Variants in PUM2 observed in about 807,000 individuals in gnomAD.
The protein encoded by PUM2 is pumilio RNA binding family member 2, also known as pumilio homolog 2.
A neutral mutation model predicts 124.5 loss-of-function variants in PUM2; 57 were observed. The observed-to-expected ratio is 0.46, with a 90% CI of 0.37 to 0.57. The LOEUF is 0.57. PUM2 is among the 20% of genes least tolerant of loss of function. The pLI, the probability that PUM2 is intolerant of heterozygous loss-of-function variation, is 0.00. For synonymous variants in PUM2, 460 were observed against 446.1 expected, an observed-to-expected ratio of 1.03 and a Z score of -0.39; for missense variants, 1,065 against 1,290.6, an observed-to-expected ratio of 0.83 and a Z score of 2.68.
chr2:20,308,583 G>C lies in PUM2; in HGVS notation c.520C>G (p.Arg174Gly). 6.3e-7 allele frequency: 1 copy of C among 1,595,610 alleles called. No individual in the cohort carries two copies. Among genetic ancestry groups the C allele is most frequent in the Non-Finnish European group, 8.5e-7 (1 of 1,172,528 alleles). Reference protein sequence around the residue: ...GMDADCKDFNRTPGSRQASPT... With the variant: ...GMDADCKDFNGTPGSRQASPT... Reference sequence around the variant, plus strand: ...GAGGCTTGACGACTTCCAGGAGTACGACTACATAAAGAAAATAGAAAAGCA... The same window carrying C: ...GAGGCTTGACGACTTCCAGGAGTACCACTACATAAAGAAAATAGAAAAGCA... The change falls in exon 6 of 21, where the codon CGT becomes GGT. Residue 174 changes from arginine (R) to glycine (G), a missense_variant and splice_region_variant. Physicochemically the swap from Arg to Gly is moderately radical, Grantham distance 125. Coordinates refer to ENST00000361078, the MANE Select transcript of PUM2 (RefSeq NM_015317.5).
chr2:20,340,542 A>G (rs1167523287), intron 1 of PUM2, among the ~76,000 whole-genome samples: 1 of 152,224 alleles, frequency 6.6e-6, no homozygotes, highest in Non-Finnish European at 1.5e-5. Flanking sequence ...TACAACACAC[A>G]TCAGAGTCCA....
intron 12 of PUM2, among the ~76,000 whole-genome samples, chr2:20,279,209 CT>C: frequency 6.6e-6 from 1 of 152,210 alleles, no homozygotes; most frequent in Admixed American, 6.5e-5. Flanking sequence ...CTGAAACCTG[CT>C]TCTTAGACTT....
At chr2:20,307,129 T>G (rs1678524037) in intron 7 of PUM2, among the ~76,000 whole-genome samples, 1 of 151,938 alleles carries the variant, frequency 6.6e-6, no homozygotes, top group Non-Finnish European at 1.5e-5. Context: ...GGCAGGAGAA[T>G]CTCTTGAACC....
chr2:20,276,747 TAAC>T (rs1670359600), intron 13 of PUM2, among the ~76,000 whole-genome samples: 1 of 152,076 alleles, frequency 6.6e-6, no homozygotes, highest in Non-Finnish European at 1.5e-5. Flanking sequence ...TATTTGTTGT[TAAC>T]AATGTTGCCA....
In PUM2 at chr2:20,259,709, C is replaced by T. The variant is rs115383060; in HGVS notation, c.2355+628G>A. On this transcript the variant is annotated intron_variant, in intron 15 of 20. Coordinates refer to ENST00000361078, the MANE Select transcript of PUM2 (RefSeq NM_015317.5). ...TTGACGGACACTTGGGCTGTTTCCGCCTTTTGGCTATCGTGAATAATGGTG... is the reference window on the plus strand; with the variant it reads ...TTGACGGACACTTGGGCTGTTTCCGTCTTTTGGCTATCGTGAATAATGGTG... Among the ~76,000 whole-genome samples, 994 of 152,286 alleles carry T rather than the reference C, an allele frequency of 6.5e-3. 6 individuals carry two copies. The highest frequency in any genetic ancestry group is 0.022 in the African/African-American group (918 of 41,554).
chr2:20,260,447 C>G lies in PUM2; in HGVS notation c.2245G>C (p.Glu749Gln). Residue 749 changes from glutamate to glutamine, a missense_variant, in exon 15 of 21, where the codon GAG becomes CAG. By Grantham distance (29) the Glu-to-Gln change is conservative. Around this residue, in one of 3 missense-constraint regions of PUM2, gnomAD observed 968 missense variants for 1,159.8 expected, o/e 0.83. Coordinates refer to ENST00000361078, the MANE Select transcript of PUM2 (RefSeq NM_015317.5). ...TGTCGCTCAGCTGGAGTAGCTCTCT[C>G]TAGTTTTTGCTGTATGAATCTACAT... ...HGSRFIQQKL[E>Q]RATPAERQMV... 1 of 1,608,900 alleles carries G rather than the reference C, an allele frequency of 6.2e-7. No homozygotes were observed. Among genetic ancestry groups the G allele is most frequent in the Non-Finnish European group, 8.5e-7 (1 of 1,175,942 alleles).
At chr2:20,328,275 A>G (rs1053361848) in intron 1 of PUM2, among the ~76,000 whole-genome samples, 5 of 152,208 alleles carry the variant, frequency 3.3e-5, no homozygotes, top group African/African-American at 1.2e-4. Flanking sequence ...GGTTACAATG[A>G]GCCAAAATCG....
At chr2:20,343,013 G>T (rs565449863) in intron 1 of PUM2, among the ~76,000 whole-genome samples, 1 of 152,220 alleles carries the variant, frequency 6.6e-6, no homozygotes, top group Non-Finnish European at 1.5e-5. Flanking sequence ...AGGCTAGAGT[G>T]CGGTGGTGCC....
At chr2:20,325,543 G>A (rs1683458034) in intron 2 of PUM2, among the ~76,000 whole-genome samples, 1 of 151,556 alleles carries the variant, frequency 6.6e-6, no homozygotes, top group South Asian at 2.1e-4. Context: ...AAAAACACCA[G>A]TTTGAAAACA....
At position 20,251,101 on chromosome 2, in the gene PUM2, T is replaced by TA. The variant is rs60730953; in HGVS notation, c.*483dup. ...TAATAATATTTATGCAGTTGATTGT[T>TA]AATCTGTTATAAAAGGTTTCACGCA... On this transcript the variant is annotated 3_prime_UTR_variant, in exon 21 of 21. Coordinates refer to ENST00000361078, the MANE Select transcript of PUM2 (RefSeq NM_015317.5). The TA allele has an allele frequency of 2.9e-3, 443 of 152,752 alleles. 18 individuals are homozygous for TA. In the East Asian group the frequency reaches 0.071, roughly 25 times the overall value. The allele number at this position is 152,752 out of a possible 1,614,324, so 9.5% of individuals were successfully genotyped here.
At chr2:20,270,559 C>T (rs930719176) in intron 13 of PUM2, among the ~76,000 whole-genome samples, 12 of 152,212 alleles carry the variant, frequency 7.9e-5, no homozygotes, top group African/African-American at 2.9e-4. Context: ...TAAACACACA[C>T]ACACACAAAA....
intron 13 of PUM2, among the ~76,000 whole-genome samples, chr2:20,271,400 G>A (rs182789897): frequency 3.9e-5 from 6 of 152,146 alleles, no homozygotes; most frequent in East Asian, 3.9e-4. Context: ...TGCAACCTCC[G>A]TCTCCTGGGT....
intron 12 of PUM2, among the ~76,000 whole-genome samples, chr2:20,281,227 T>C (rs924078976): frequency 6.6e-6 from 1 of 152,150 alleles, no homozygotes; most frequent in Non-Finnish European, 1.5e-5. Flanking sequence ...ATGAAGCTCT[T>C]ACAGATTGGA....
chr2:20,287,206 T>G (rs1465725003), intron 10 of PUM2, among the ~76,000 whole-genome samples: 1 of 152,218 alleles, frequency 6.6e-6, no homozygotes, highest in African/African-American at 2.4e-5. Flanking sequence ...ATTTCCCATC[T>G]ACGACCACAT....
intron 10 of PUM2, among the ~76,000 whole-genome samples, chr2:20,288,931 G>GT (rs1673353665): frequency 6.6e-6 from 1 of 152,218 alleles, no homozygotes; most frequent in Non-Finnish European, 1.5e-5. Context: ...TATGAGAGTG[G>GT]TTTTTTCGTT....
chr2:20,292,737 C>G (rs545586915), intron 9 of PUM2, among the ~76,000 whole-genome samples: 1 of 152,062 alleles, frequency 6.6e-6, no homozygotes, highest in Non-Finnish European at 1.5e-5. Flanking sequence ...TCAAGACCAG[C>G]CTGACCAACA....
In PUM2 at chr2:20,260,391, G is replaced by C. The variant is rs1364544530; in HGVS notation, c.2301C>G (p.Ala767=). Residue 767 remains alanine, a synonymous_variant, in exon 15 of 21, where the codon GCC becomes GCG. Transcript: ENST00000361078. ...QMVFNEILQA[A]YQLMTDVFGN... The stretch of plus-strand genomic sequence containing the variant: ...CAAAAACATCAGTCATTAATTGATA[G>C]GCTGCTTGCAGAATTTCATTAAATA... 3.7e-6 allele frequency: 6 copies of C among 1,612,478 alleles called. No homozygotes were observed. The highest frequency in any genetic ancestry group is 5.1e-6 in the Non-Finnish European group (6 of 1,178,820).
In PUM2 at chr2:20,342,128, CAAAAAA is replaced by C. The variant is rs776745768; in HGVS notation, c.-19+8463_-19+8468del. Among the ~76,000 whole-genome samples the C allele has an allele frequency of 1.3e-4, 12 of 94,450 alleles. No homozygotes were observed. In the East Asian group the frequency reaches 3.7e-3, roughly 29 times the overall value. 62.0% of individuals were successfully genotyped at this position (94,450 alleles called of 152,430 possible). ...TGGGCAACAGAGTGAGACTCTGTCT[CAAAAAA>C]AAAAAAAAAAGAAAGAAAAAGAAAT... On this transcript the variant is annotated intron_variant, in intron 1 of 20. Transcript: ENST00000361078.
chr2:20,331,541 C>T lies in PUM2; in HGVS notation c.-18-4163G>A, dbSNP rs1684907012. On this transcript the variant is annotated intron_variant, in intron 1 of 20. Coordinates refer to ENST00000361078, the MANE Select transcript of PUM2 (RefSeq NM_015317.5). ...AGATTAAGTACTTCTAATCTATGAG[C>T]CATGGTTACCAAGAAGGTAGTCAAT... Among the ~76,000 whole-genome samples, 6 of 150,488 alleles carry T rather than the reference C, an allele frequency of 4.0e-5. No individual in the cohort carries two copies. The Admixed American group carries it at 4.0e-4, about 10-fold the overall frequency.
Sources: allele counts gnomAD v4.1 joint callset (sites outside exome capture counted in the v4.1 genomes callset), GRCh38; gene constraint gnomAD v4.1.1; regional missense constraint gnomAD v4.1.1; transcripts MANE v1.5; gene names NCBI Gene and HGNC (gene_info 2026-07-23, HGNC 2026-07-21).